PRH1: variants seen among roughly 807,000 people sequenced by gnomAD.
PRH1 encodes proline rich protein HaeIII subfamily 1.
PRH1 carries 7 observed loss-of-function variants against 7.9 expected under a neutral mutation model. The ratio of observed to expected loss-of-function variants is 0.89; its 90% confidence interval spans 0.50 to 1.67. The LOEUF (loss-of-function observed/expected upper bound fraction) is 1.67, where lower values mean the gene tolerates loss of function less well. PRH1 is among the 40% of genes most tolerant of loss of function. The pLI is 0.00. For missense variants in PRH1, 109 were observed against 223.6 expected (o/e 0.49, Z 3.27); for synonymous variants, 45 against 80.8 (o/e 0.56, Z 2.38).
chr12:10,911,203 A>C (rs1436702140), intron 2 of PRH1, among the ~76,000 whole-genome samples: 3 of 152,108 alleles, frequency 2.0e-5, no homozygotes, highest in African/African-American at 7.2e-5. Flanking sequence ...GCCGGTCACA[A>C]CTTGATAATA....
intron 2 of PRH1, among the ~76,000 whole-genome samples, chr12:10,964,247 A>G (rs1221590618): frequency 1.3e-5 from 2 of 150,008 alleles, no homozygotes; most frequent in African/African-American, 4.9e-5. Context: ...ATACACATAC[A>G]CATGCATATA....
intron 1 of PRH1, among the ~76,000 whole-genome samples, chr12:11,141,404 G>T (rs1451224499): frequency 6.6e-6 from 1 of 152,186 alleles, no homozygotes; most frequent in Non-Finnish European, 1.5e-5. Context: ...ATTTATTTTT[G>T]ATTACTTAAT....
chr12:10,950,225 G>T (rs186555643), intron 2 of PRH1, among the ~76,000 whole-genome samples: 1 of 152,090 alleles, frequency 6.6e-6, no homozygotes, highest in Admixed American at 6.5e-5. Context: ...TTTTTCATAT[G>T]TATTCCAGTA....
intron 2 of PRH1, among the ~76,000 whole-genome samples, chr12:10,948,006 G>A (rs1049509446): frequency 2.0e-5 from 3 of 152,016 alleles, no homozygotes; most frequent in East Asian, 1.9e-4. Flanking sequence ...TGCTGTTACC[G>A]TGATAGAAAT....
intron 1 of PRH1, among the ~76,000 whole-genome samples, chr12:11,141,306 T>TA (rs1297405691): frequency 6.6e-6 from 1 of 152,188 alleles, no homozygotes; most frequent in African/African-American, 2.4e-5. Flanking sequence ...ATTGTGTAAC[T>TA]ATTGTGGGTC....
chr12:10,882,500 TGGCC>T lies in PRH1; in HGVS notation c.295_298del (p.Gly99SerfsTer97). ...AGGAGGTGGTGGACCTTGTTGCTGC[TGGCC>T]TCCTTGTTGGGGTGGTCCTTGTGGC... On this transcript the variant is annotated frameshift_variant, in exon 3 of 4. Coordinates refer to ENST00000543626, the MANE Select transcript of PRH1 (RefSeq NM_001393989.1). LOFTEE classifies it low-confidence loss of function (END_TRUNC). 10 of 1,306,374 alleles carry T rather than the reference TGGCC, an allele frequency of 7.7e-6. No individual in the cohort carries two copies. The East Asian group carries it at 8.0e-5, about 10-fold the overall frequency. The allele number at this position is 1,306,374 out of a possible 1,614,324, so 80.9% of individuals were successfully genotyped here.
intron 2 of PRH1, among the ~76,000 whole-genome samples, chr12:10,900,974 C>A (rs1264541925): frequency 6.6e-6 from 1 of 152,124 alleles, no homozygotes; most frequent in Non-Finnish European, 1.5e-5. Context: ...CTCTAGATAT[C>A]TGAAGCACCC....
At chr12:11,168,647 G>C (rs1338726432) in intron 1 of PRH1, among the ~76,000 whole-genome samples, 1 of 152,192 alleles carries the variant, frequency 6.6e-6, no homozygotes, top group Non-Finnish European at 1.5e-5. Flanking sequence ...AGAGTGATCA[G>C]AAAGGCAGAA....
intron 1 of PRH1, among the ~76,000 whole-genome samples, chr12:11,149,720 A>G (rs1947001385): frequency 7.1e-6 from 1 of 140,456 alleles, no homozygotes; most frequent in African/African-American, 2.6e-5. Flanking sequence ...AAAACCCTAG[A>G]AGAAAACCTA....
At chr12:11,021,588 A>G in intron 1 of PRH1, 1 of 1,104,352 alleles carries the variant, frequency 9.1e-7, no homozygotes, top group Non-Finnish European at 1.3e-6. Flanking sequence ...AAAATGTTCC[A>G]GACACCATCA....
At chr12:10,997,690 T>C (rs368583848) in intron 1 of PRH1, 12 of 1,613,778 alleles carry the variant, frequency 7.4e-6, no homozygotes, top group Non-Finnish European at 1.0e-5. Flanking sequence ...AATGTAATAA[T>C]ATTACCCAGA....
chr12:11,021,083 A>G (rs1268006956), intron 1 of PRH1, among the ~76,000 whole-genome samples: 3 of 136,160 alleles, frequency 2.2e-5, no homozygotes, highest in Non-Finnish European at 4.9e-5. Flanking sequence ...TACATATACA[A>G]AATTTACTCT....
At chr12:10,902,315 A>G (rs911049783) in intron 2 of PRH1, among the ~76,000 whole-genome samples, 1 of 152,124 alleles carries the variant, frequency 6.6e-6, no homozygotes, top group African/African-American at 2.4e-5. Flanking sequence ...CCCAGAAAAA[A>G]AAATTAAAAA....
chr12:10,929,867 C>T lies in PRH1; in HGVS notation c.-59+43788G>A, dbSNP rs532259438. Among the ~76,000 whole-genome samples, 8 of 152,246 alleles carry T rather than the reference C, an allele frequency of 5.3e-5. No homozygotes were observed. In the South Asian group the frequency reaches 1.7e-3, roughly 32 times the overall value. The stretch of plus-strand genomic sequence containing the variant: ...TAGTATTTTAATGTGCTGGGACGGG[C>T]ATTTGTAAGATTGTATCTAAGTGGC... On this transcript the variant is annotated intron_variant, in intron 2 of 3. Coordinates refer to the PRH1 transcript ENST00000539853.
chr12:10,898,566 A>T (rs1315194351), intron 2 of PRH1, among the ~76,000 whole-genome samples: 1 of 152,230 alleles, frequency 6.6e-6, no homozygotes, highest in Non-Finnish European at 1.5e-5. Context: ...AAATGCCCTT[A>T]ATAAGTTGAC....
intron 1 of PRH1, among the ~76,000 whole-genome samples, chr12:11,126,272 C>T (rs2136340547): frequency 6.6e-6 from 1 of 152,230 alleles, no homozygotes; most frequent in East Asian, 1.9e-4. Context: ...ACTCTTGGGT[C>T]TCACTTTAGA....
chr12:11,109,029 T>A (rs1945511907), intron 1 of PRH1, among the ~76,000 whole-genome samples: 1 of 152,190 alleles, frequency 6.6e-6, no homozygotes, highest in Non-Finnish European at 1.5e-5. Flanking sequence ...AATTTTCCCC[T>A]TACGGTGTAA....
intron 1 of PRH1, among the ~76,000 whole-genome samples, chr12:11,109,908 G>A (rs1195014132): frequency 6.6e-6 from 1 of 152,070 alleles, no homozygotes; most frequent in East Asian, 1.9e-4. Context: ...ATGCAAGGGA[G>A]CCAAGAACCT....
At chr12:10,969,695 T>C (rs1403854422) in intron 2 of PRH1, among the ~76,000 whole-genome samples, 2 of 152,226 alleles carry the variant, frequency 1.3e-5, no homozygotes, top group Admixed American at 6.5e-5. Context: ...TGTGCAATTA[T>C]ACAGTACGTA....
Sources: allele counts gnomAD v4.1 joint callset (sites outside exome capture counted in the v4.1 genomes callset), GRCh38; gene constraint gnomAD v4.1.1; transcripts MANE v1.5; gene names NCBI Gene and HGNC (gene_info 2026-07-23, HGNC 2026-07-21).